OR3A2: variants seen among roughly 807,000 people sequenced by gnomAD.
OR3A2 encodes olfactory receptor 3A2.
For missense variants in OR3A2, 318 were observed against 392.8 expected, an observed-to-expected ratio of 0.81 and a Z score of 1.61; for synonymous variants, 126 against 159.3, an observed-to-expected ratio of 0.79 and a Z score of 1.57.
intron 2 of OR3A2, among the ~76,000 whole-genome samples, chr17:3,365,650 C>T (rs575049266): frequency 4.6e-5 from 7 of 152,312 alleles, no homozygotes; most frequent in South Asian, 4.1e-4. Context: ...ACTTGGAACC[C>T]AACACCTTGA....
intron 2 of OR3A2, among the ~76,000 whole-genome samples, chr17:3,349,937 G>A (rs150842617): frequency 0.13 from 19,724 of 149,880 alleles, 1,568 homozygotes; most frequent in African/African-American, 0.23. Flanking sequence ...TGACTACTGG[G>A]TACATAATGA....
At chr17:3,324,587 A>G (rs547371762) in intron 3 of OR3A2, among the ~76,000 whole-genome samples, 4 of 152,206 alleles carry the variant, frequency 2.6e-5, no homozygotes, top group African/African-American at 9.6e-5. Flanking sequence ...AGACAGGACC[A>G]TCAGCTGCAG....
chr17:3,321,910 G>C (rs1340047377), intron 3 of OR3A2, among the ~76,000 whole-genome samples: 1 of 152,090 alleles, frequency 6.6e-6, no homozygotes, highest in East Asian at 1.9e-4. Context: ...GAATTAGGGT[G>C]GATTCCCTCT....
intron 3 of OR3A2, among the ~76,000 whole-genome samples, chr17:3,332,264 G>A (rs1273321703): frequency 6.6e-6 from 1 of 152,248 alleles, no homozygotes; most frequent in East Asian, 1.9e-4. Context: ...CGGCTGCTTT[G>A]TTTACCTAAG....
chr17:3,346,909 GCAC>G (rs1024724501), intron 2 of OR3A2, among the ~76,000 whole-genome samples: 8 of 152,242 alleles, frequency 5.3e-5, no homozygotes, highest in African/African-American at 1.9e-4. Context: ...TTGTGTATAT[GCAC>G]CACATTTTCT....
chr17:3,376,555 A>T (rs370538374), intron 2 of OR3A2, among the ~76,000 whole-genome samples: 11 of 151,976 alleles, frequency 7.2e-5, no homozygotes, highest in African/African-American at 2.7e-4. Context: ...CATACATATC[A>T]CCAGGGAAGT....
At chr17:3,283,673 T>C (rs1052576575) in intron 1 of OR3A2, among the ~76,000 whole-genome samples, 2 of 152,148 alleles carry the variant, frequency 1.3e-5, no homozygotes, top group Non-Finnish European at 1.5e-5. Context: ...AAGTGCAGGG[T>C]TCAAGGCTGT....
At chr17:3,347,500 T>A (rs553998227) in intron 2 of OR3A2, among the ~76,000 whole-genome samples, 37 of 152,078 alleles carry the variant, frequency 2.4e-4, no homozygotes, top group Non-Finnish European at 2.2e-4. Flanking sequence ...CGGTGTTTGG[T>A]TTTTTGTTCT....
At chr17:3,279,249 G>T (rs2048763304) in intron 1 of OR3A2, 96 bp from the exon 4 acceptor site, 1 of 399,468 alleles carries the variant, frequency 2.5e-6, no homozygotes, top group East Asian at 4.3e-5. Context: ...GGGGAAATGG[G>T]TAACTATGTG....
intron 2 of OR3A2, among the ~76,000 whole-genome samples, chr17:3,371,807 G>T (rs1481583248): frequency 7.3e-6 from 1 of 137,394 alleles, no homozygotes; most frequent in Admixed American, 7.0e-5. Flanking sequence ...GGCCGGGGCG[G>T]CTGGCCGGGC....
Position 3,311,057 on chromosome 17 carries a change from T to C in OR3A2, c.-85+24976A>G, listed in dbSNP as rs150913107. ...TCTCCACGTGTAGTTCCCACCTCAC[T>C]GTGGTGGGCATCTTCTATGGGACGG... On this transcript the variant is annotated intron_variant, in intron 3 of 4. Transcript: ENST00000573491. The surrounding 1 kb of genome is among the most constrained non-coding windows in gnomAD (Gnocchi z 4.6). 3.7e-6 allele frequency: 2 copies of C among 546,024 alleles called. No homozygotes were observed. The highest frequency in any genetic ancestry group is 5.2e-5 in the East Asian group (1 of 19,148). The allele number at this position is 546,024 out of a possible 1,614,324, so 33.8% of individuals were successfully genotyped here.
chr17:3,370,738 A>G lies in OR3A2; in HGVS notation c.-179+13066T>C, dbSNP rs542354812. Among the ~76,000 whole-genome samples the G allele has an allele frequency of 1.5e-4, 23 of 151,668 alleles. No homozygotes were observed. In the South Asian group the frequency reaches 4.4e-3, roughly 29 times the overall value. ...AGGTCAGCAGATAAACAAGTGAACA[A>G]AGGTCTCTGGTTTTCCTAGGCAGAG... On this transcript the variant is annotated intron_variant, in intron 2 of 4. Coordinates refer to the OR3A2 transcript ENST00000573491.
intron 3 of OR3A2, among the ~76,000 whole-genome samples, chr17:3,335,646 G>A (rs536303148): frequency 2.6e-4 from 40 of 152,116 alleles, no homozygotes; most frequent in Admixed American, 2.0e-3. Context: ...CAGTCATTTA[G>A]ACACCAGCCA....
chr17:3,280,197 G>A (rs996315570), intron 1 of OR3A2, among the ~76,000 whole-genome samples: 5 of 151,992 alleles, frequency 3.3e-5, no homozygotes, highest in Non-Finnish European at 5.9e-5. Flanking sequence ...ACGGTAGGTT[G>A]ACCAATGGCT....
chr17:3,330,519 G>A (rs1299077016), intron 3 of OR3A2, among the ~76,000 whole-genome samples: 1 of 152,080 alleles, frequency 6.6e-6, no homozygotes, highest in East Asian at 1.9e-4. Flanking sequence ...ATTTATCAGA[G>A]ACTAGGATTG....
intron 2 of OR3A2, among the ~76,000 whole-genome samples, chr17:3,360,886 A>G (rs162258): frequency 0.69 from 104,780 of 151,288 alleles, 38,083 homozygotes; most frequent in East Asian, 1. Flanking sequence ...GGTTAGGATT[A>G]ACTTGGCGAT....
intron 2 of OR3A2, among the ~76,000 whole-genome samples, chr17:3,365,226 T>C (rs230474): frequency 0.41 from 61,889 of 152,058 alleles, 12,916 homozygotes; most frequent in Admixed American, 0.52. Flanking sequence ...TGTGGGGGTA[T>C]ACCAGAAAAT....
chr17:3,371,772 C>T lies in OR3A2; in HGVS notation c.-179+12032G>A, dbSNP rs1295407303. Among the ~76,000 whole-genome samples the T allele has an allele frequency of 4.5e-5, 6 of 132,688 alleles. 1 individual carries two copies. In the South Asian group the frequency reaches 9.8e-4, roughly 22 times the overall value. The allele number at this position is 132,688 out of a possible 152,430, so 87.0% of individuals were successfully genotyped here. A position where few individuals can be genotyped will look rare whatever the true frequency, so the allele number is the denominator to read the frequency against. ...CTCCTCACTTCCCAGTAGGGGCGGC[C>T]GGGCAGAGGCGCCCCTCACCTCCTG... is the stretch of plus-strand genomic sequence containing the variant. On this transcript the variant is annotated intron_variant, in intron 2 of 4. Transcript: ENST00000573491.
At chr17:3,333,415 G>A (rs536678481) in intron 3 of OR3A2, among the ~76,000 whole-genome samples, 97 of 152,164 alleles carry the variant, frequency 6.4e-4, no homozygotes, top group Non-Finnish European at 1.2e-3. Flanking sequence ...TCTTTGCTTT[G>A]CCCTTTGCCT....
Sources: gnomAD v4.1 joint callset for allele counts (sites outside exome capture counted in the v4.1 genomes callset) on GRCh38, gnomAD v4.1.1 for gene constraint, Gnocchi (gnomAD v3.1) non-coding constraint, MANE v1.5 for transcripts, NCBI Gene and HGNC (gene_info 2026-07-23, HGNC 2026-07-21) for gene names.